Variants in OPCML observed in about 807,000 individuals in gnomAD.
The protein encoded by OPCML is opioid-binding protein/cell adhesion molecule.
A neutral mutation model predicts 37.8 loss-of-function variants in OPCML; 13 were observed. The ratio of observed to expected loss-of-function variants is 0.34; its 90% CI spans 0.22 to 0.55. The LOEUF is 0.55. Among genes scored for constraint, OPCML ranks in the 20% least tolerant of loss-of-function variants. The probability of loss-of-function intolerance (pLI) is 0.91; values close to 1 mark genes in which losing one functional copy is unlikely to be tolerated. For synonymous variants in OPCML, 176 were observed against 168.8 expected (o/e 1.04, Z -0.33); for missense variants, 341 against 435.6 (o/e 0.78, Z 1.93).
intron 3 of OPCML, among the ~76,000 whole-genome samples, chr11:132,572,369 A>G (rs1200300432): frequency 6.6e-6 from 1 of 151,896 alleles, no homozygotes; most frequent in Non-Finnish European, 1.5e-5. Flanking sequence ...TTTTTTCTAG[A>G]AGTTTTACAG....
chr11:133,071,323 G>A (rs1354428424), intron 1 of OPCML, among the ~76,000 whole-genome samples: 1 of 152,154 alleles, frequency 6.6e-6, no homozygotes, highest in Non-Finnish European at 1.5e-5. Context: ...AAAGGGTTTT[G>A]CAACATTTGG....
intron 2 of OPCML, among the ~76,000 whole-genome samples, chr11:132,752,933 C>T (rs1446056246): frequency 6.6e-6 from 1 of 152,182 alleles, no homozygotes; most frequent in Non-Finnish European, 1.5e-5. Flanking sequence ...GTAATCATAG[C>T]CACTAATCTT....
intron 4 of OPCML, among the ~76,000 whole-genome samples, chr11:132,479,929 C>T (rs575161093): frequency 4.9e-4 from 75 of 152,246 alleles, no homozygotes; most frequent in Middle Eastern, 3.4e-3. Context: ...AAAAAAACAG[C>T]GGAAAAACTG....
At chr11:133,371,699 G>T (rs944311331) in intron 1 of OPCML, among the ~76,000 whole-genome samples, 3 of 152,208 alleles carry the variant, frequency 2.0e-5, no homozygotes, top group Non-Finnish European at 2.9e-5. Flanking sequence ...ATGTGGAACT[G>T]GGAGTCAATT....
intron 1 of OPCML, among the ~76,000 whole-genome samples, chr11:133,288,716 T>C (rs1942372630): frequency 6.6e-6 from 1 of 152,052 alleles, no homozygotes; most frequent in African/African-American, 2.4e-5. Context: ...CACCACTGGT[T>C]TTGTTTGTTT....
chr11:132,918,314 G>T (rs1410573520), intron 2 of OPCML, among the ~76,000 whole-genome samples: 1 of 152,108 alleles, frequency 6.6e-6, no homozygotes, highest in Non-Finnish European at 1.5e-5. Context: ...ACTCTTGGTT[G>T]ACCACACCCA....
intron 2 of OPCML, among the ~76,000 whole-genome samples, chr11:132,718,021 C>T (rs1007333420): frequency 1.3e-5 from 2 of 152,314 alleles, no homozygotes; most frequent in Non-Finnish European, 2.9e-5. Context: ...TCCACACCAT[C>T]GTCAAGGTGC....
chr11:133,430,908 A>T (rs1946102575), intron 1 of OPCML, among the ~76,000 whole-genome samples: 1 of 152,342 alleles, frequency 6.6e-6, no homozygotes, highest in Non-Finnish European at 1.5e-5. Context: ...GTGTGTGATC[A>T]CAGTGTTAAT....
At chr11:132,546,073 CTAAATTTT>C (rs982856351) in intron 3 of OPCML, among the ~76,000 whole-genome samples, 10 of 152,170 alleles carry the variant, frequency 6.6e-5, no homozygotes, top group Non-Finnish European at 1.2e-4. Flanking sequence ...GCTTATATAA[CTAAATTTT>C]TAAACGTTTT....
rs148519253 is a variant in OPCML at position 133,312,346 on chromosome 11, C to T, written c.61+219918G>A. 1.1e-3 allele frequency among the ~76,000 whole-genome samples: 167 copies of T among 152,328 alleles called. 1 individual carries two copies. Among genetic ancestry groups the T allele is most frequent in the African/African-American group, 2.9e-3 (122 of 41,568 alleles). On this transcript the variant is annotated intron_variant, in intron 1 of 7. Coordinates refer to ENST00000524381, the MANE Select transcript of OPCML (RefSeq NM_001012393.5). The stretch of plus-strand genomic sequence containing the variant: ...GACATCATCAACAGCAACAACAAAA[C>T]ACCGCATTGTGAGACTTGTTTCGCA...
intron 1 of OPCML, among the ~76,000 whole-genome samples, chr11:133,046,440 C>A (rs1948018237): frequency 6.6e-6 from 1 of 152,182 alleles, no homozygotes; most frequent in African/African-American, 2.4e-5. Context: ...CCTCTCCATT[C>A]TTACAGTCTG....
In OPCML at chr11:133,071,564, C is replaced by T. The variant is rs142013589; in HGVS notation, c.62-128554G>A. On this transcript the variant is annotated intron_variant, in intron 1 of 7. Coordinates refer to ENST00000524381, the MANE Select transcript of OPCML (RefSeq NM_001012393.5). Reference sequence around the variant, plus strand: ...TGGCCCAGGAGTCAGACACATGGCTCTGTGCTAGCACTGCCTGTCGAATGA... The same window carrying T: ...TGGCCCAGGAGTCAGACACATGGCTTTGTGCTAGCACTGCCTGTCGAATGA... 1.4e-4 allele frequency among the ~76,000 whole-genome samples: 21 copies of T among 152,310 alleles called. No homozygotes were observed. In the East Asian group the frequency reaches 3.3e-3, roughly 24 times the overall value.
chr11:132,962,112 T>C (rs886384815), intron 1 of OPCML, among the ~76,000 whole-genome samples: 1 of 152,254 alleles, frequency 6.6e-6, no homozygotes, highest in Admixed American at 6.5e-5. Flanking sequence ...GCTCAGTGCA[T>C]GTTTGCTAAA....
chr11:132,791,342 T>C (rs1310770910), intron 2 of OPCML, among the ~76,000 whole-genome samples: 11 of 152,176 alleles, frequency 7.2e-5, no homozygotes, highest in Non-Finnish European at 2.9e-5. Context: ...GCCCTAATGT[T>C]ATGAAAACAA....
chr11:133,110,030 G>A (rs752659312), intron 1 of OPCML, among the ~76,000 whole-genome samples: 1 of 152,132 alleles, frequency 6.6e-6, no homozygotes, highest in African/African-American at 2.4e-5. Flanking sequence ...TTGGGTGAAG[G>A]ATGCCGCAGA....
At position 132,517,116 on chromosome 11, in the gene OPCML, G is replaced by T. The variant is rs1204604265; in HGVS notation, c.505+11945C>A. Among the ~76,000 whole-genome samples the T allele has an allele frequency of 2.6e-5, 4 of 152,158 alleles. No homozygotes were observed. In the East Asian group the frequency reaches 7.7e-4, roughly 29 times the overall value. On this transcript the variant is annotated intron_variant, in intron 4 of 7. Transcript: ENST00000524381. ...CCCATTCTACACGGCTCTCAGTTTAGAGCAGGGATTATGTTCTACTTGGCT... is the reference window on the plus strand; with the variant it reads ...CCCATTCTACACGGCTCTCAGTTTATAGCAGGGATTATGTTCTACTTGGCT...
intron 1 of OPCML, among the ~76,000 whole-genome samples, chr11:133,521,221 A>G (rs1948390846): frequency 6.6e-6 from 1 of 152,068 alleles, no homozygotes. Flanking sequence ...GTTCTTTTGG[A>G]TTTTACAGAG....
At chr11:133,478,132 T>C (rs1047305355) in intron 1 of OPCML, among the ~76,000 whole-genome samples, 2 of 152,312 alleles carry the variant, frequency 1.3e-5, no homozygotes, top group South Asian at 4.1e-4. Flanking sequence ...TTGGCTAAGA[T>C]GCGTCAGGGT....
intron 1 of OPCML, among the ~76,000 whole-genome samples, chr11:133,347,674 C>T (rs1173986868): frequency 1.3e-5 from 2 of 152,148 alleles, no homozygotes; most frequent in South Asian, 2.1e-4. Flanking sequence ...TAGCAGCATG[C>T]TATTAATTTA....
Sources: allele counts gnomAD v4.1 joint callset (sites outside exome capture counted in the v4.1 genomes callset), GRCh38; gene constraint gnomAD v4.1.1; transcripts MANE v1.5; gene names NCBI Gene and HGNC (gene_info 2026-07-23, HGNC 2026-07-21).